The following LRIF1 variants were observed in gnomAD, a reference collection of about 807,000 sequenced individuals.
LRIF1 encodes ligand dependent nuclear receptor interacting factor 1.
LRIF1 carries 32 observed loss-of-function variants against 52.7 expected under a neutral mutation model. The observed-to-expected ratio is 0.61, with a 90% confidence interval of 0.46 to 0.82. The LOEUF (loss-of-function observed/expected upper bound fraction) is 0.82. Among genes scored for constraint, LRIF1 ranks in the 40% least tolerant of loss-of-function variants. The pLI is 0.00. For synonymous variants in LRIF1, 323 were observed against 317.4 expected, an observed-to-expected ratio of 1.02 and a Z score of -0.19; for missense variants, 887 against 892.0, an observed-to-expected ratio of 0.99 and a Z score of 0.07.
At chr1:110,898,188 T>C in the LRIF1 span, among the ~76,000 whole-genome samples, 1 of 151,912 alleles carries the variant, frequency 6.6e-6, no homozygotes, top group Non-Finnish European at 1.5e-5. Context: ...CCATCCTGGC[T>C]AACATGGTGA....
At chr1:110,956,625 A>AT (rs1171584731) in intron 1 of LRIF1, among the ~76,000 whole-genome samples, 2 of 152,210 alleles carry the variant, frequency 1.3e-5, no homozygotes. Context: ...TCATCTAATA[A>AT]TAAGTACTAC....
In LRIF1 at chr1:110,951,622, G is replaced by A; in HGVS notation, c.1262C>T (p.Ser421Phe). The change falls in exon 2 of 4, where the codon TCT (serine) becomes TTT (phenylalanine). Residue 421 changes from serine (S) to phenylalanine (F), a missense_variant. Transcript: ENST00000369763. ...VVNIVLAKSKSSQMETKSLSN... is the reference protein window; with the variant it reads ...VVNIVLAKSKFSQMETKSLSN... Reference sequence around the variant, plus strand: ...AAGTGATTTTGTCTCCATCTGGGAAGATTTACTTTTAGCCAAAACAATATT... The same window carrying A: ...AAGTGATTTTGTCTCCATCTGGGAAAATTTACTTTTAGCCAAAACAATATT... 6.2e-7 allele frequency: 1 copy of A among 1,614,072 alleles called. No individual in the cohort carries two copies. The highest frequency in any genetic ancestry group is 8.5e-7 in the Non-Finnish European group (1 of 1,180,006).
the LRIF1 span, among the ~76,000 whole-genome samples, chr1:110,927,091 C>A: frequency 3.9e-5 from 6 of 152,170 alleles, no homozygotes; most frequent in African/African-American, 1.4e-4. Flanking sequence ...ACACTATACA[C>A]ATAAAATCAG....
intron 1 of LRIF1, among the ~76,000 whole-genome samples, chr1:110,955,359 A>G (rs541093907): frequency 6.6e-6 from 1 of 152,232 alleles, no homozygotes; most frequent in Non-Finnish European, 1.5e-5. Context: ...CTGGCTTAGA[A>G]TACTACAATA....
the LRIF1 span, among the ~76,000 whole-genome samples, chr1:110,885,991 G>A: frequency 6.6e-6 from 1 of 152,058 alleles, no homozygotes; most frequent in Admixed American, 6.5e-5. Context: ...GTTCCATCTG[G>A]TCTCATTTTT....
the LRIF1 span, chr1:110,900,007 G>T: frequency 6.6e-6 from 1 of 152,546 alleles, no homozygotes; most frequent in African/African-American, 2.4e-5. Flanking sequence ...TGTATTAATT[G>T]TCTCCTGCTG....
intron 1 of LRIF1, 21 bp downstream of exon 1, chr1:110,963,600 G>T: frequency 6.3e-7 from 1 of 1,597,600 alleles, no homozygotes; most frequent in Non-Finnish European, 8.6e-7. Context: ...GCCGTGGGGA[G>T]GATTCGAAAC....
At chr1:110,961,231 T>C (rs1334644841) in intron 1 of LRIF1, among the ~76,000 whole-genome samples, 2 of 152,196 alleles carry the variant, frequency 1.3e-5, no homozygotes, top group African/African-American at 4.8e-5. Flanking sequence ...CCACCATGAC[T>C]GTAAGGTTTT....
downstream of LRIF1, among the ~76,000 whole-genome samples, chr1:110,942,873 T>G (rs995376217): frequency 6.6e-6 from 1 of 152,104 alleles, no homozygotes; most frequent in Non-Finnish European, 1.5e-5. Flanking sequence ...GGATATACAA[T>G]TTTGGAGTCA....
chr1:110,939,439 C>T, the LRIF1 span: 2 of 151,104 alleles, frequency 1.3e-5, no homozygotes, highest in African/African-American at 2.4e-5. Flanking sequence ...CAATGCAATC[C>T]CTATCAAAGT....
the LRIF1 span, among the ~76,000 whole-genome samples, chr1:110,875,413 A>G: frequency 6.6e-6 from 1 of 152,234 alleles, no homozygotes; most frequent in Non-Finnish European, 1.5e-5. Context: ...GAGGGAGAAG[A>G]GGCAGGTTTT....
chr1:110,911,072 A>G, the LRIF1 span, among the ~76,000 whole-genome samples: 1 of 152,164 alleles, frequency 6.6e-6, no homozygotes, highest in African/African-American at 2.4e-5. Flanking sequence ...GAGTTGGTCC[A>G]CCAAAAGAAT....
the LRIF1 span, chr1:110,891,322 A>T: frequency 9.4e-7 from 1 of 1,063,718 alleles, no homozygotes; most frequent in South Asian, 1.3e-5. Context: ...ATCCCTGAAC[A>T]TTTGTGCACT....
chr1:110,956,429 ACTG>A (rs1219348324), intron 1 of LRIF1, among the ~76,000 whole-genome samples: 1 of 152,196 alleles, frequency 6.6e-6, no homozygotes, highest in Non-Finnish European at 1.5e-5. Context: ...CAGAGTCTAA[ACTG>A]GATAGGAAGA....
At chr1:110,894,201 CGGCCTG>C in the LRIF1 span, 1 of 748,328 alleles carries the variant, frequency 1.3e-6, no homozygotes, top group East Asian at 2.5e-5. Flanking sequence ...AGGCTTACAA[CGGCCTG>C]AGGAGGCAGA....
the LRIF1 span, among the ~76,000 whole-genome samples, chr1:110,905,802 A>C: frequency 7.3e-6 from 1 of 136,456 alleles, no homozygotes; most frequent in East Asian, 2.6e-4. Flanking sequence ...ACTAAATAAT[A>C]AATCAAAAAT....
At chr1:110,925,438 C>T in the LRIF1 span, among the ~76,000 whole-genome samples, 2 of 151,112 alleles carry the variant, frequency 1.3e-5, no homozygotes, top group Admixed American at 1.3e-4. Flanking sequence ...TTCACACGCG[C>T]ATACACATAC....
At chr1:110,948,769 T>TA (rs1470508627) in intron 3 of LRIF1, among the ~76,000 whole-genome samples, 2 of 152,244 alleles carry the variant, frequency 1.3e-5, no homozygotes, top group African/African-American at 4.8e-5. Flanking sequence ...AAAGGTTTAC[T>TA]AGTCTCTGAT....
chr1:110,896,801 C>CCT, the LRIF1 span: 1 of 1,368,976 alleles, frequency 7.3e-7, no homozygotes, highest in Non-Finnish European at 1.0e-6. Flanking sequence ...TCGGAAACTG[C>CCT]AGTCATAGAG....
Sources: gnomAD v4.1 joint callset for allele counts (sites outside exome capture counted in the v4.1 genomes callset) on GRCh38, gnomAD v4.1.1 for gene constraint, MANE v1.5 for transcripts, NCBI Gene and HGNC (gene_info 2026-07-23, HGNC 2026-07-21) for gene names.